Variants in PPP1R13B observed in about 807,000 individuals in gnomAD.
PPP1R13B encodes the protein protein phosphatase 1 regulatory subunit 13B, also known as apoptosis-stimulating of p53 protein 1.
A neutral mutation model predicts 119.8 loss-of-function variants in PPP1R13B; 44 were observed. That is an observed-to-expected ratio of 0.37 (90% CI 0.29 to 0.47). The LOEUF is 0.47. PPP1R13B is among the 20% of genes least tolerant of loss of function. PPP1R13B has a pLI of 0.99. For missense variants in PPP1R13B, 1,227 were observed against 1,413.5 expected (o/e 0.87, Z 2.12); for synonymous variants, 542 against 561.5 (o/e 0.97, Z 0.49).
chr14:103,761,900 C>G (rs534044896), intron 4 of PPP1R13B, among the ~76,000 whole-genome samples: 42 of 152,346 alleles, frequency 2.8e-4, no homozygotes, highest in African/African-American at 1.0e-3. Flanking sequence ...AGAACAGACT[C>G]TGGTACAGAT....
At chr14:103,841,621 T>A (rs967517009) in intron 1 of PPP1R13B, among the ~76,000 whole-genome samples, 10 of 152,134 alleles carry the variant, frequency 6.6e-5, no homozygotes, top group South Asian at 4.1e-4. Flanking sequence ...AAAATTTTTT[T>A]AAATATTGTC....
In PPP1R13B at chr14:103,807,460, TAAG is replaced by T. The variant is rs1227035567; in HGVS notation, c.10-9945_10-9943del. Reference sequence around the variant, plus strand: ...AGTGCCTGAAGCAGTGCCTGGCACGTAAGAAGCACTCAATAAACTCCCCCAATT... The same window carrying T: ...AGTGCCTGAAGCAGTGCCTGGCACGTAAGCACTCAATAAACTCCCCCAATT... On this transcript the variant is annotated intron_variant, in intron 1 of 16. Coordinates refer to ENST00000202556, the MANE Select transcript of PPP1R13B (RefSeq NM_015316.3). Among the ~76,000 whole-genome samples, 92 of 152,184 alleles carry T rather than the reference TAAG, an allele frequency of 6.0e-4. 1 individual carries two copies. The highest frequency in any genetic ancestry group is 6.0e-3 in the Admixed American group (92 of 15,274).
chr14:103,825,730 G>A (rs572196140), intron 1 of PPP1R13B, among the ~76,000 whole-genome samples: 3 of 152,272 alleles, frequency 2.0e-5, no homozygotes, highest in African/African-American at 7.2e-5. Flanking sequence ...AAAAGTGCAA[G>A]GTGAAACAAC....
chr14:103,800,144 T>C (rs1306898470), intron 1 of PPP1R13B, among the ~76,000 whole-genome samples: 1 of 152,164 alleles, frequency 6.6e-6, no homozygotes, highest in Non-Finnish European at 1.5e-5. Flanking sequence ...AAAACATTTA[T>C]GTCTAATCTT....
At chr14:103,758,288 C>T (rs1304256318) in intron 4 of PPP1R13B, among the ~76,000 whole-genome samples, 1 of 152,216 alleles carries the variant, frequency 6.6e-6, no homozygotes, top group African/African-American at 2.4e-5. Flanking sequence ...AAAGTAACAT[C>T]TAGATGAATG....
At chr14:103,803,660 TAAA>T (rs2085953538) in intron 1 of PPP1R13B, among the ~76,000 whole-genome samples, 2 of 151,764 alleles carry the variant, frequency 1.3e-5, no homozygotes, top group African/African-American at 4.9e-5. Context: ...AATAAATAAA[TAAA>T]TAATTAATTA....
intron 9 of PPP1R13B, among the ~76,000 whole-genome samples, chr14:103,744,368 C>T (rs1030611189): frequency 1.3e-5 from 2 of 152,156 alleles, no homozygotes; most frequent in Non-Finnish European, 2.9e-5. Context: ...CAAAACAAAA[C>T]CCGCGCTACG....
intron 2 of PPP1R13B, among the ~76,000 whole-genome samples, chr14:103,796,147 G>A (rs2085752440): frequency 6.6e-6 from 1 of 152,056 alleles, no homozygotes; most frequent in Non-Finnish European, 1.5e-5. Context: ...GCCGGGCATG[G>A]TGGTGCATGC....
chr14:103,824,373 A>G (rs1448277483), intron 1 of PPP1R13B, among the ~76,000 whole-genome samples: 3 of 148,426 alleles, frequency 2.0e-5, no homozygotes, highest in Non-Finnish European at 4.5e-5. Context: ...CTATTTCTCT[A>G]TATGATCACA....
chr14:103,738,663 C>T lies in PPP1R13B; in HGVS notation c.2864+16G>A. 1 of 1,614,004 alleles carries T rather than the reference C, an allele frequency of 6.2e-7. No homozygotes were observed. Among genetic ancestry groups the T allele is most frequent in the African/African-American group, 1.3e-5 (1 of 75,064 alleles). ...GGAAAGTAAATCTGTCCACCCCACA[C>T]TCCTACGGGCCTCACCATCCATCAC... On this transcript the variant is annotated intron_variant, in intron 14 of 16. Transcript: ENST00000202556. The surrounding 1 kb of genome is among the most constrained non-coding windows in gnomAD (Gnocchi z 5.6).
intron 4 of PPP1R13B, among the ~76,000 whole-genome samples, chr14:103,771,014 C>A (rs1022059458): frequency 1.3e-5 from 2 of 152,100 alleles, no homozygotes. Flanking sequence ...TGCCCACAAA[C>A]GTCCAGGATG....
At chr14:103,848,377 G>T (rs866292789), upstream of PPP1R13B, 6 of 985,338 alleles carry the variant, frequency 6.1e-6, no homozygotes, top group East Asian at 6.8e-4. Flanking sequence ...CAGAGGCGCC[G>T]CCCCCTCGGG....
chr14:103,738,658 C>T lies in PPP1R13B; in HGVS notation c.2864+21G>A, dbSNP rs2084172449. 6.2e-7 allele frequency: 1 copy of T among 1,613,432 alleles called. No individual in the cohort carries two copies. The highest frequency in any genetic ancestry group is 1.7e-5 in the Admixed American group (1 of 59,996). The stretch of plus-strand genomic sequence containing the variant: ...AGCAGGGAAAGTAAATCTGTCCACC[C>T]CACACTCCTACGGGCCTCACCATCC... On this transcript the variant is annotated intron_variant, in intron 14 of 16. Coordinates refer to ENST00000202556, the MANE Select transcript of PPP1R13B (RefSeq NM_015316.3). The surrounding 1 kb of genome is among the most constrained non-coding windows in gnomAD (Gnocchi z 5.6).
At chr14:103,741,069 A>T (rs893477787) in intron 11 of PPP1R13B, among the ~76,000 whole-genome samples, 2 of 152,186 alleles carry the variant, frequency 1.3e-5, no homozygotes, top group African/African-American at 2.4e-5. Context: ...AACCCTCCCC[A>T]CAAGGGAACA....
intron 2 of PPP1R13B, among the ~76,000 whole-genome samples, chr14:103,787,574 T>C (rs571912931): frequency 3.3e-5 from 5 of 151,070 alleles, no homozygotes; most frequent in African/African-American, 1.2e-4. Context: ...TCCCAGCACT[T>C]TGGGAGGCAA....
At chr14:103,793,404 C>A (rs2085677308) in intron 2 of PPP1R13B, among the ~76,000 whole-genome samples, 1 of 152,016 alleles carries the variant, frequency 6.6e-6, no homozygotes, top group Admixed American at 6.6e-5. Flanking sequence ...TTAGAAGGGG[C>A]TCTTCCCCCT....
intron 1 of PPP1R13B, among the ~76,000 whole-genome samples, chr14:103,821,855 C>T (rs907166808): frequency 4.6e-5 from 7 of 152,060 alleles, no homozygotes; most frequent in Non-Finnish European, 1.0e-4. Flanking sequence ...TAAATACCAA[C>T]AAGACCCTGG....
chr14:103,756,816 T>G lies in PPP1R13B; in HGVS notation c.456+834A>C, dbSNP rs556104695. On this transcript the variant is annotated intron_variant, in intron 5 of 16. Transcript: ENST00000202556. ...CTCTGTTGCTCAGGCTAGAGTGCAG[T>G]GGCACAATCTCGGCTCACTGCAAGC... Among the ~76,000 whole-genome samples the G allele has an allele frequency of 2.5e-3, 383 of 152,242 alleles. 1 individual carries two copies. The highest frequency in any genetic ancestry group is 4.9e-3 in the Non-Finnish European group (333 of 68,008).
In PPP1R13B at chr14:103,739,941, G is replaced by A. The variant is rs2084210108; in HGVS notation, c.2475C>T (p.Ala825=). The A allele has an allele frequency of 4.3e-6, 7 of 1,614,150 alleles. No individual in the cohort carries two copies. The highest frequency in any genetic ancestry group is 1.7e-5 in the Admixed American group (1 of 60,032). The change falls in exon 12 of 17, where the codon GCC becomes GCT. Residue 825 remains alanine, a synonymous_variant. Transcript: ENST00000202556. The stretch of plus-strand genomic sequence containing the variant: ...GGATCTGCTCCGTGGTGGGGACCGT[G>A]GCCACGTTGTTGTTATTGTCCTCTG... ...EPAEDNNNNV[A]TVPTTEQIPS...
Sources: gnomAD v4.1 joint callset for allele counts (sites outside exome capture counted in the v4.1 genomes callset) on GRCh38, gnomAD v4.1.1 for gene constraint, Gnocchi (gnomAD v3.1) non-coding constraint, MANE v1.5 for transcripts, NCBI Gene and HGNC (gene_info 2026-07-23, HGNC 2026-07-21) for gene names.